MGAM2: variants seen among roughly 807,000 people sequenced by gnomAD.
MGAM2 encodes probable maltase-glucoamylase 2.
Under a neutral mutation model 96.1 loss-of-function variants are expected in MGAM2, and 98 were observed. The ratio of observed to expected loss-of-function variants is 1.02; its 90% CI spans 0.87 to 1.21. The LOEUF (loss-of-function observed/expected upper bound fraction) is 1.21. MGAM2 is among the 50% of genes most tolerant of loss of function. The pLI, the probability that MGAM2 is intolerant of heterozygous loss-of-function variation, is 0.00. For missense variants in MGAM2, 2,055 were observed against 1,182.4 expected, an observed-to-expected ratio of 1.74 and a Z score of -10.82; for synonymous variants, 749 against 414.8, an observed-to-expected ratio of 1.81 and a Z score of -9.79.
rs1379468392 is a variant in MGAM2, at chr7:142,167,353, G to A, written c.2894G>A (p.Ser965Asn). Residue 965 changes from serine (S) to asparagine (N), a missense_variant, in exon 26 of 48, where the codon AGC becomes AAC. Coordinates refer to ENST00000477922, the MANE Select transcript of MGAM2 (RefSeq NM_001293626.2). ...VASDIQYLNT[S>N]ITADLSLPMA... is the part of the protein sequence containing the mutation. The stretch of plus-strand genomic sequence containing the variant: ...AGTGATATTCAGTACCTGAACACCA[G>A]CATCACTGCAGACCTTTCCCTCCCG... 1.4e-6 allele frequency: 1 copy of A among 702,736 alleles called. No individual in the cohort carries two copies. Among genetic ancestry groups the A allele is most frequent in the African/African-American group, 1.7e-5 (1 of 57,222 alleles). 43.5% of individuals were successfully genotyped at this position (702,736 alleles called of 1,614,324 possible).
At chr7:142,212,671 C>T (rs1797623701) in intron 46 of MGAM2, among the ~76,000 whole-genome samples, 2 of 152,148 alleles carry the variant, frequency 1.3e-5, no homozygotes, top group South Asian at 4.1e-4. Flanking sequence ...TACAGAAGCA[C>T]CCACATTCAT....
chr7:142,202,419 C>T (rs1585214035), intron 45 of MGAM2, among the ~76,000 whole-genome samples: 1 of 152,164 alleles, frequency 6.6e-6, no homozygotes, highest in Non-Finnish European at 1.5e-5. Flanking sequence ...GTCACCCAGG[C>T]AGTGAGCATA....
At chr7:142,126,354 T>A (rs1794734044) in intron 3 of MGAM2, among the ~76,000 whole-genome samples, 1 of 152,078 alleles carries the variant, frequency 6.6e-6, no homozygotes, top group Admixed American at 6.6e-5. Flanking sequence ...ATTTGGACTG[T>A]CCTTTTTCAG....
intron 3 of MGAM2, among the ~76,000 whole-genome samples, chr7:142,122,666 T>A (rs1322856845): frequency 6.6e-6 from 1 of 152,228 alleles, no homozygotes; most frequent in Non-Finnish European, 1.5e-5. Context: ...TTGAGATTCA[T>A]CTTTATTGTT....
At chr7:142,171,554 C>A (rs1796185611) in intron 28 of MGAM2, 114 bp downstream of exon 28, 4 of 530,272 alleles carry the variant, frequency 7.5e-6, no homozygotes, top group Middle Eastern at 6.2e-4. Flanking sequence ...TTGATAAATT[C>A]CGCTCTCAGT....
chr7:142,149,424 TC>T, intron 15 of MGAM2, among the ~76,000 whole-genome samples: 1 of 152,368 alleles, frequency 6.6e-6, no homozygotes, highest in African/African-American at 2.4e-5. Flanking sequence ...TTATTTCTTT[TC>T]ATGGTTTTCA....
chr7:142,216,746 C>T (rs958613202), intron 46 of MGAM2, among the ~76,000 whole-genome samples: 31 of 152,180 alleles, frequency 2.0e-4, no homozygotes, highest in African/African-American at 7.2e-4. Context: ...TTGATTCTGC[C>T]TGCCCAGTAG....
intron 46 of MGAM2, among the ~76,000 whole-genome samples, chr7:142,211,866 A>G (rs1797595263): frequency 6.6e-6 from 1 of 152,212 alleles, no homozygotes; most frequent in Non-Finnish European, 1.5e-5. Flanking sequence ...CCTCAAGAAG[A>G]GCAACCCCAC....
chr7:142,190,044 CT>C (rs1330500854), intron 37 of MGAM2, among the ~76,000 whole-genome samples: 4 of 151,760 alleles, frequency 2.6e-5, no homozygotes. Flanking sequence ...CCATATTTTG[CT>C]TGCCTATCTA....
intron 3 of MGAM2, among the ~76,000 whole-genome samples, chr7:142,129,909 T>C (rs1034812879): frequency 2.6e-5 from 4 of 151,268 alleles, no homozygotes; most frequent in Non-Finnish European, 4.4e-5. Flanking sequence ...ACATTGCATT[T>C]TATTTTGCTG....
intron 24 of MGAM2, 60 bp downstream of exon 24, chr7:142,165,083 C>A: frequency 3.3e-6 from 2 of 615,240 alleles, no homozygotes; most frequent in Non-Finnish European, 5.8e-6. Context: ...GACAGCCAGC[C>A]CTACTTTGCT....
At position 142,220,568 on chromosome 7, in the gene MGAM2, T is replaced by TATCA. The variant is rs1797894040; in HGVS notation, c.6058_6061dup (p.Thr2021AsnfsTer21). 2.9e-6 allele frequency: 2 copies of TATCA among 698,490 alleles called. No individual in the cohort carries two copies. Among genetic ancestry groups the TATCA allele is most frequent in the Non-Finnish European group, 5.2e-6 (2 of 384,576 alleles). 43.3% of individuals were successfully genotyped at this position (698,490 alleles called of 1,614,324 possible). Reference sequence around the variant, plus strand: ...CTAGCACTAATGCTACCCCTGTTCCTATCACAACCACACTTTTTGCAACAA... The same window carrying TATCA: ...CTAGCACTAATGCTACCCCTGTTCCTATCAATCACAACCACACTTTTTGCAACAA... On this transcript the variant is annotated frameshift_variant, in exon 48 of 48. Coordinates refer to ENST00000477922, the MANE Select transcript of MGAM2 (RefSeq NM_001293626.2). LOFTEE classifies it low-confidence loss of function (END_TRUNC).
chr7:142,124,691 G>C (rs1794688645), intron 3 of MGAM2, among the ~76,000 whole-genome samples: 1 of 151,992 alleles, frequency 6.6e-6, no homozygotes, highest in Non-Finnish European at 1.5e-5. Context: ...TCTTTACAAG[G>C]GTGAATATTT....
At chr7:142,143,045 A>G (rs1284327026) in intron 12 of MGAM2, among the ~76,000 whole-genome samples, 2 of 152,238 alleles carry the variant, frequency 1.3e-5, no homozygotes, top group African/African-American at 4.8e-5. Context: ...TCAAGCTCCC[A>G]TCTTGAGTTT....
Position 142,220,701 on chromosome 7 carries a change from C to A in MGAM2, c.6190C>A (p.Pro2064Thr), listed in dbSNP as rs1323380892. ...TSATVPITTT[P>T]SPTNTADANT... is the part of the protein sequence containing the mutation. ...TGCTACTGTTCCTATTACAACCACA[C>A]CTTCCCCTACAAATACTGCTGATGC... The change falls in exon 48 of 48, where the codon CCT becomes ACT. Residue 2064 changes from proline (P) to threonine (T), a missense_variant. Physicochemically the swap from Pro to Thr is conservative, Grantham distance 38. Coordinates refer to ENST00000477922, the MANE Select transcript of MGAM2 (RefSeq NM_001293626.2). The A allele has an allele frequency of 4.3e-6, 3 of 702,182 alleles. No homozygotes were observed. In the African/African-American group the frequency reaches 5.3e-5, roughly 12 times the overall value. 43.5% of individuals were successfully genotyped at this position (702,182 alleles called of 1,614,324 possible). A position where few individuals can be genotyped will look rare whatever the true frequency, so the allele number is the denominator to read the frequency against.
intron 17 of MGAM2, among the ~76,000 whole-genome samples, chr7:142,155,822 G>A (rs144233227): frequency 2.0e-3 from 298 of 152,238 alleles, no homozygotes; most frequent in African/African-American, 6.7e-3. Flanking sequence ...AAAATTATAA[G>A]GAGAGCCACA....
In MGAM2 at chr7:142,221,559, A is replaced by G. The variant is rs1205906716; in HGVS notation, c.7048A>G (p.Ser2350Gly). The G allele has an allele frequency of 3.7e-6, 2 of 538,282 alleles. No individual in the cohort carries two copies. The highest frequency in any genetic ancestry group is 6.5e-6 in the Non-Finnish European group (2 of 307,958). The allele number at this position is 538,282 out of a possible 1,614,324, so 33.3% of individuals were successfully genotyped here. Residue 2350 changes from serine to glycine, a missense_variant, in exon 48 of 48, where the codon AGT becomes GGT. By Grantham distance (56) the Ser-to-Gly change is moderately conservative. Transcript: ENST00000477922. ...TATTTTCAACACTCTTGATACAAAAAGTACCATGGTAATAGATGCTACGGT... is the reference window on the plus strand; with the variant it reads ...TATTTTCAACACTCTTGATACAAAAGGTACCATGGTAATAGATGCTACGGT... ...TIIFNTLDTK[S>G]TMVIDATVTT...
At chr7:142,153,843 T>A (rs1795654530) in intron 15 of MGAM2, among the ~76,000 whole-genome samples, 175 bp from the exon 16 acceptor site, 1 of 152,200 alleles carries the variant, frequency 6.6e-6, no homozygotes, top group African/African-American at 2.4e-5. Context: ...TCTGAAATCT[T>A]ACCCCAAAAT....
At chr7:142,187,963 G>C in intron 36 of MGAM2, 129 bp downstream of exon 36, 2 of 601,438 alleles carry the variant, frequency 3.3e-6, no homozygotes, top group South Asian at 3.9e-5. Context: ...GAAATCCCAA[G>C]TAAGATAACC....
Sources: gnomAD v4.1 joint callset for allele counts (sites outside exome capture counted in the v4.1 genomes callset) on GRCh38, gnomAD v4.1.1 for gene constraint, MANE v1.5 for transcripts, NCBI Gene and HGNC (gene_info 2026-07-23, HGNC 2026-07-21) for gene names.